TNR: variants seen among roughly 807,000 people sequenced by gnomAD.
TNR encodes tenascin-R.
A neutral mutation model predicts 150.4 loss-of-function variants in TNR; 45 were observed. That is an observed-to-expected ratio of 0.30 (90% CI 0.24 to 0.38). The LOEUF (loss-of-function observed/expected upper bound fraction) is 0.38, where lower values mean the gene tolerates loss of function less well. TNR is among the 10% of genes least tolerant of loss of function. The pLI is 1.00. For synonymous variants in TNR, 687 were observed against 678.4 expected, an observed-to-expected ratio of 1.01 and a Z score of -0.20; for missense variants, 1,544 against 1,759.1, an observed-to-expected ratio of 0.88 and a Z score of 2.19.
At chr1:175,509,343 G>A (rs1461565191) in intron 2 of TNR, among the ~76,000 whole-genome samples, 4 of 151,718 alleles carry the variant, frequency 2.6e-5, no homozygotes, top group South Asian at 2.1e-4. Flanking sequence ...TTCTCCTTTC[G>A]AATTGCTAGA....
intron 1 of TNR, among the ~76,000 whole-genome samples, chr1:175,705,529 A>T (rs1666825347): frequency 6.6e-6 from 1 of 152,152 alleles, no homozygotes; most frequent in Admixed American, 6.5e-5. Flanking sequence ...AAAGCAGCAT[A>T]AGACAAAAAT....
intron 21 of TNR, among the ~76,000 whole-genome samples, chr1:175,325,560 C>T (rs1289709780): frequency 6.6e-6 from 1 of 152,200 alleles, no homozygotes; most frequent in Non-Finnish European, 1.5e-5. Context: ...TATAGAGACA[C>T]ATGCACACAT....
At chr1:175,542,148 G>T (rs899747643) in intron 1 of TNR, among the ~76,000 whole-genome samples, 16 of 152,114 alleles carry the variant, frequency 1.1e-4, no homozygotes, top group African/African-American at 3.6e-4. Context: ...TGCATTAATT[G>T]TTAGGTTGAA....
intron 18 of TNR, among the ~76,000 whole-genome samples, chr1:175,351,629 T>C (rs1456587254): frequency 1.3e-5 from 2 of 152,244 alleles, no homozygotes; most frequent in Non-Finnish European, 2.9e-5. Context: ...TACTTTCACA[T>C]GCATTATTTC....
At chr1:175,661,383 A>G (rs1444695665) in intron 1 of TNR, among the ~76,000 whole-genome samples, 2 of 152,112 alleles carry the variant, frequency 1.3e-5, no homozygotes, top group African/African-American at 2.4e-5. Flanking sequence ...GCCCCCCTAA[A>G]TGTTGATGTA....
chr1:175,626,647 G>C (rs1458540504), intron 1 of TNR, among the ~76,000 whole-genome samples: 1 of 152,154 alleles, frequency 6.6e-6, no homozygotes, highest in Non-Finnish European at 1.5e-5. Context: ...AATGAGCTTT[G>C]TGTATTTATA....
In TNR at chr1:175,329,921, G is replaced by C. The variant is rs190873370; in HGVS notation, c.3793+153C>G. Among the ~76,000 whole-genome samples, 583 of 152,314 alleles carry C rather than the reference G, an allele frequency of 3.8e-3. 3 individuals carry two copies. The highest frequency in any genetic ancestry group is 6.8e-3 in the Non-Finnish European group (463 of 68,024). Reference sequence around the variant, plus strand: ...GGGAGAGCTGGGACCAGTGCCAGTGGTTCCCAGTGGCATGGCCCTTCTTCT... The same window carrying C: ...GGGAGAGCTGGGACCAGTGCCAGTGCTTCCCAGTGGCATGGCCCTTCTTCT... On this transcript the variant is annotated intron_variant, in intron 21 of 22. Transcript: ENST00000367674.
chr1:175,633,114 A>T (rs966938842), intron 1 of TNR, among the ~76,000 whole-genome samples: 1 of 152,008 alleles, frequency 6.6e-6, no homozygotes, highest in African/African-American at 2.4e-5. Flanking sequence ...ACCTGGCTCA[A>T]CTCCCCAAAC....
chr1:175,369,926 C>T (rs1371620729), intron 9 of TNR, among the ~76,000 whole-genome samples: 2 of 152,298 alleles, frequency 1.3e-5, no homozygotes, highest in East Asian at 3.9e-4. Flanking sequence ...CATGGCAGAG[C>T]TTACCAGGCC....
At chr1:175,407,603 G>A (rs998596422) in intron 2 of TNR, among the ~76,000 whole-genome samples, 6 of 152,130 alleles carry the variant, frequency 3.9e-5, no homozygotes, top group Admixed American at 1.3e-4. Context: ...ACAAAACTTG[G>A]TTCTAAAAGT....
intron 1 of TNR, among the ~76,000 whole-genome samples, chr1:175,650,078 C>G (rs1467386272): frequency 6.6e-6 from 1 of 152,122 alleles, no homozygotes; most frequent in Non-Finnish European, 1.5e-5. Flanking sequence ...ATTAGCAGAA[C>G]TCTAGGGATT....
At position 175,318,655 on chromosome 1, in the gene TNR, C is replaced by A. The variant is rs989286294; in HGVS notation, c.*4702G>T. ...TTTGAGGAGGCATTCAGCTAAACAT[C>A]TTCAGGAATGTGGTCAAAGAGAGGC... On this transcript the variant is annotated 3_prime_UTR_variant, in exon 23 of 23. Coordinates refer to ENST00000367674, the MANE Select transcript of TNR (RefSeq NM_003285.3). 6.6e-6 allele frequency: 1 copy of A among 152,262 alleles called. No individual in the cohort carries two copies. The highest frequency in any genetic ancestry group is 2.4e-5 in the African/African-American group (1 of 41,436). 9.4% of individuals were successfully genotyped at this position (152,262 alleles called of 1,614,324 possible).
At chr1:175,436,272 C>T in intron 2 of TNR, among the ~76,000 whole-genome samples, 1 of 152,202 alleles carries the variant, frequency 6.6e-6, no homozygotes, top group Non-Finnish European at 1.5e-5. Flanking sequence ...CTTTCAGGTA[C>T]ACCAATCAGA....
intron 2 of TNR, among the ~76,000 whole-genome samples, chr1:175,525,314 A>T (rs150720241): frequency 8.1e-4 from 123 of 152,320 alleles, no homozygotes; most frequent in African/African-American, 2.8e-3. Context: ...AGTCCCAGGC[A>T]GTTCTTTACA....
At chr1:175,553,979 T>C (rs1661052416) in intron 1 of TNR, among the ~76,000 whole-genome samples, 1 of 152,202 alleles carries the variant, frequency 6.6e-6, no homozygotes, top group African/African-American at 2.4e-5. Context: ...TGCAGTGAGC[T>C]GAATGCTGAT....
intron 1 of TNR, among the ~76,000 whole-genome samples, chr1:175,585,269 A>G (rs1271586452): frequency 6.6e-6 from 1 of 152,236 alleles, no homozygotes; most frequent in African/African-American, 2.4e-5. Context: ...TAAATATAAA[A>G]CCAGGATTTG....
intron 9 of TNR, among the ~76,000 whole-genome samples, chr1:175,374,816 T>C (rs1652298293): frequency 6.6e-6 from 1 of 152,208 alleles, no homozygotes. Flanking sequence ...TGGGTGGTTG[T>C]GAGAGCACGG....
At chr1:175,561,424 T>C (rs1490844368) in intron 1 of TNR, among the ~76,000 whole-genome samples, 2 of 152,196 alleles carry the variant, frequency 1.3e-5, no homozygotes, top group Non-Finnish European at 2.9e-5. Context: ...CCACCTCCTA[T>C]GATTGGTTTC....
At chr1:175,481,489 TA>T (rs1657808334) in intron 2 of TNR, among the ~76,000 whole-genome samples, 1 of 152,074 alleles carries the variant, frequency 6.6e-6, no homozygotes, top group Non-Finnish European at 1.5e-5. Flanking sequence ...GACAAGGGAT[TA>T]TCCCCTCTGC....
Sources: allele counts gnomAD v4.1 joint callset (sites outside exome capture counted in the v4.1 genomes callset), GRCh38; gene constraint gnomAD v4.1.1; transcripts MANE v1.5; gene names NCBI Gene and HGNC (gene_info 2026-07-23, HGNC 2026-07-21).